PAPPA2: variants seen among roughly 807,000 people sequenced by gnomAD.
PAPPA2 encodes pappalysin-2.
A neutral mutation model predicts 176.4 loss-of-function variants in PAPPA2; 86 were observed. The ratio of observed to expected loss-of-function variants is 0.49; its 90% CI spans 0.41 to 0.58. The LOEUF is 0.58. PAPPA2 is among the 20% of genes least tolerant of loss of function. The pLI, the probability that PAPPA2 is intolerant of heterozygous loss-of-function variation, is 0.00. For missense variants in PAPPA2, 2,073 were observed against 2,256.9 expected (o/e 0.92, Z 1.65); for synonymous variants, 809 against 852.2 (o/e 0.95, Z 0.88).
chr1:176,807,473 G>A (rs957025979), intron 21 of PAPPA2, among the ~76,000 whole-genome samples: 19 of 151,096 alleles, frequency 1.3e-4, no homozygotes, highest in African/African-American at 4.4e-4. Context: ...TGCCTGCCAA[G>A]TTTGATATTT....
intron 12 of PAPPA2, among the ~76,000 whole-genome samples, chr1:176,725,280 G>C (rs1284102092): frequency 6.6e-6 from 1 of 152,108 alleles, no homozygotes; most frequent in Admixed American, 6.6e-5. Context: ...TACAAAAACA[G>C]GCAGTGGGTC....
At chr1:176,649,054 A>T (rs1013375473) in intron 3 of PAPPA2, among the ~76,000 whole-genome samples, 1 of 151,492 alleles carries the variant, frequency 6.6e-6, no homozygotes, top group Non-Finnish European at 1.5e-5. Flanking sequence ...CAGTGAAGCC[A>T]TCAGGTCCTG....
chr1:176,570,110 C>T (rs1354902685), intron 2 of PAPPA2, among the ~76,000 whole-genome samples: 1 of 152,116 alleles, frequency 6.6e-6, no homozygotes, highest in East Asian at 1.9e-4. Context: ...ATAGAACTTT[C>T]GTTTTGTGCA....
intron 2 of PAPPA2, among the ~76,000 whole-genome samples, chr1:176,563,799 T>G (rs1253198747): frequency 1.3e-5 from 2 of 152,188 alleles, no homozygotes; most frequent in African/African-American, 2.4e-5. Context: ...CCAGGCGCTG[T>G]GCTCTGAAAC....
intron 1 of PAPPA2, among the ~76,000 whole-genome samples, chr1:176,478,982 C>G (rs1015318269): frequency 6.6e-6 from 1 of 152,186 alleles, no homozygotes; most frequent in African/African-American, 2.4e-5. Flanking sequence ...TGAGGGCAGA[C>G]TGGCTCTTTT....
At chr1:176,706,239 T>C in intron 9 of PAPPA2, 120 bp from the exon 10 acceptor site, 1 of 788,882 alleles carries the variant, frequency 1.3e-6, no homozygotes, top group Non-Finnish European at 2.0e-6. Flanking sequence ...TAGCTCCTAC[T>C]TTTTTCCAAC....
At chr1:176,684,913 G>C (rs894580855) in intron 4 of PAPPA2, among the ~76,000 whole-genome samples, 1 of 152,156 alleles carries the variant, frequency 6.6e-6, no homozygotes, top group African/African-American at 2.4e-5. Context: ...TCCAAGTCTT[G>C]CTTGTCTTCT....
chr1:176,480,984 C>T (rs1652367284), intron 1 of PAPPA2, among the ~76,000 whole-genome samples: 1 of 152,176 alleles, frequency 6.6e-6, no homozygotes, highest in Non-Finnish European at 1.5e-5. Context: ...GCACCTCCAC[C>T]CCACAGCGCT....
At chr1:176,551,927 C>A (rs936395542) in intron 1 of PAPPA2, among the ~76,000 whole-genome samples, 1 of 152,076 alleles carries the variant, frequency 6.6e-6, no homozygotes, top group Non-Finnish European at 1.5e-5. Flanking sequence ...GGCAGAGATG[C>A]AGGGAGGGAA....
chr1:176,789,097 C>A (rs1665063674), intron 17 of PAPPA2, among the ~76,000 whole-genome samples: 1 of 152,114 alleles, frequency 6.6e-6, no homozygotes, highest in Non-Finnish European at 1.5e-5. Flanking sequence ...TCAGAGAAAA[C>A]CCAATTACAA....
In PAPPA2 at chr1:176,730,621, AT is replaced by A. The variant is rs1427679846; in HGVS notation, c.3799-9002del. ...TTTGTTTTTTTTTTGTATTTCGTTGATTTCTACTCTTATCTTCATTATTTCC... is the reference window on the plus strand; with the variant it reads ...TTTGTTTTTTTTTTGTATTTCGTTGATTCTACTCTTATCTTCATTATTTCC... On this transcript the variant is annotated intron_variant, in intron 12 of 22. Transcript: ENST00000367662. Among the ~76,000 whole-genome samples the A allele has an allele frequency of 1.3e-3, 191 of 142,312 alleles. 1 individual carries two copies. The highest frequency in any genetic ancestry group is 4.6e-3 in the African/African-American group (175 of 37,994). The allele number at this position is 142,312 out of a possible 152,430, so 93.4% of individuals were successfully genotyped here.
At chr1:176,697,619 A>G (rs1457724653) in intron 7 of PAPPA2, among the ~76,000 whole-genome samples, 11 of 152,114 alleles carry the variant, frequency 7.2e-5, no homozygotes, top group African/African-American at 2.4e-4. Context: ...TAAAACAGAC[A>G]TATTCCCTGC....
chr1:176,464,439 C>T (rs1003936486), intron 1 of PAPPA2, among the ~76,000 whole-genome samples: 1 of 152,070 alleles, frequency 6.6e-6, no homozygotes, highest in Non-Finnish European at 1.5e-5. Context: ...CACACAGGGC[C>T]CTACACTTAG....
intron 3 of PAPPA2, chr1:176,616,521 A>G: frequency 8.2e-7 from 1 of 1,221,314 alleles, no homozygotes; most frequent in Middle Eastern, 2.9e-4. Flanking sequence ...ACAAAACTTA[A>G]TTTTTACAAA....
chr1:176,651,370 A>G (rs965569057), intron 3 of PAPPA2, among the ~76,000 whole-genome samples: 5 of 151,412 alleles, frequency 3.3e-5, no homozygotes, highest in Non-Finnish European at 7.4e-5. Context: ...TCTGTCCTTC[A>G]TATATGAAGG....
intron 20 of PAPPA2, among the ~76,000 whole-genome samples, chr1:176,795,968 G>C (rs1008799971): frequency 1.1e-4 from 17 of 152,184 alleles, no homozygotes; most frequent in South Asian, 4.1e-4. Flanking sequence ...CTGTTTTAAA[G>C]AGAAGGGAGA....
At chr1:176,640,343 T>A (rs1217676561) in intron 3 of PAPPA2, among the ~76,000 whole-genome samples, 1 of 63,768 alleles carries the variant, frequency 1.6e-5, no homozygotes, top group African/African-American at 6.3e-5. Flanking sequence ...CCCTCCCCCC[T>A]CCCCCCACCC....
intron 3 of PAPPA2, among the ~76,000 whole-genome samples, chr1:176,653,117 A>T (rs915380245): frequency 1.3e-5 from 2 of 151,712 alleles, no homozygotes; most frequent in Admixed American, 6.6e-5. Flanking sequence ...TGAGCATGGA[A>T]GTATATGTTT....
At chr1:176,701,897 C>T (rs1660665115) in intron 8 of PAPPA2, among the ~76,000 whole-genome samples, 1 of 152,172 alleles carries the variant, frequency 6.6e-6, no homozygotes, top group Non-Finnish European at 1.5e-5. Context: ...AGTGTCTTGC[C>T]TTTCACCCTC....
Sources: allele counts gnomAD v4.1 joint callset (sites outside exome capture counted in the v4.1 genomes callset), GRCh38; gene constraint gnomAD v4.1.1; transcripts MANE v1.5; gene names NCBI Gene and HGNC (gene_info 2026-07-23, HGNC 2026-07-21).